PAK5: variants seen among roughly 807,000 people sequenced by gnomAD.
PAK5 encodes the protein serine/threonine-protein kinase PAK 5.
PAK5 carries 16 observed loss-of-function variants against 65.9 expected under a neutral mutation model. The observed-to-expected ratio is 0.24, with a 90% CI of 0.16 to 0.37. The LOEUF is 0.37. PAK5 is among the 10% of genes least tolerant of loss of function. The pLI is 1.00. For missense variants in PAK5, 785 were observed against 903.9 expected, an observed-to-expected ratio of 0.87 and a Z score of 1.69; for synonymous variants, 371 against 354.9, an observed-to-expected ratio of 1.05 and a Z score of -0.51.
At chr20:9,603,167 G>A (rs1036296576) in intron 3 of PAK5, among the ~76,000 whole-genome samples, 1 of 152,152 alleles carries the variant, frequency 6.6e-6, no homozygotes, top group Non-Finnish European at 1.5e-5. Context: ...ATGGCCAAAT[G>A]GCCTACAAGC....
At chr20:9,690,985 C>A (rs2047789100) in intron 2 of PAK5, among the ~76,000 whole-genome samples, 1 of 151,858 alleles carries the variant, frequency 6.6e-6, no homozygotes, top group Non-Finnish European at 1.5e-5. Context: ...GAACTCCTGA[C>A]CTCAGGTGAT....
chr20:9,715,427 A>G (rs528907917), intron 1 of PAK5, among the ~76,000 whole-genome samples: 2 of 152,240 alleles, frequency 1.3e-5, no homozygotes, highest in Admixed American at 6.5e-5. Context: ...GAGAAATAGG[A>G]ACACTTTTAC....
chr20:9,572,846 G>A (rs893565242), intron 4 of PAK5, among the ~76,000 whole-genome samples: 1 of 152,150 alleles, frequency 6.6e-6, no homozygotes, highest in Non-Finnish European at 1.5e-5. Context: ...TTTTGTGAAC[G>A]AGTAACTCCT....
chr20:9,729,817 C>T (rs2048316070), intron 1 of PAK5, among the ~76,000 whole-genome samples: 1 of 151,194 alleles, frequency 6.6e-6, no homozygotes, highest in African/African-American at 2.4e-5. Flanking sequence ...TGTACTCATG[C>T]CCAACATGGC....
intron 2 of PAK5, among the ~76,000 whole-genome samples, chr20:9,683,201 G>C (rs1308043130): frequency 1.3e-5 from 2 of 152,164 alleles, no homozygotes; most frequent in Non-Finnish European, 2.9e-5. Context: ...CTGCAATTTA[G>C]GTTCCTGCCT....
chr20:9,743,062 G>A (rs1002185597), intron 1 of PAK5, among the ~76,000 whole-genome samples: 2 of 152,160 alleles, frequency 1.3e-5, no homozygotes. Context: ...CCCTACCTGT[G>A]TGACTAATAA....
chr20:9,542,165 T>C (rs2045275513), intron 9 of PAK5, among the ~76,000 whole-genome samples: 1 of 152,222 alleles, frequency 6.6e-6, no homozygotes, highest in Admixed American at 6.5e-5. Flanking sequence ...TATTTATTTG[T>C]TTGTTTATGG....
chr20:9,622,285 C>G (rs1194360281), intron 3 of PAK5, among the ~76,000 whole-genome samples: 2 of 152,112 alleles, frequency 1.3e-5, no homozygotes, highest in African/African-American at 2.4e-5. Flanking sequence ...ATGGTACCCA[C>G]TAGACATATG....
intron 1 of PAK5, among the ~76,000 whole-genome samples, chr20:9,750,263 C>T (rs1409067281): frequency 6.6e-6 from 1 of 151,988 alleles, no homozygotes; most frequent in Non-Finnish European, 1.5e-5. Flanking sequence ...TAGTCTAATT[C>T]TATTTAACAC....
chr20:9,641,757 C>T (rs563202514), intron 3 of PAK5, among the ~76,000 whole-genome samples: 147 of 152,208 alleles, frequency 9.7e-4, no homozygotes, highest in African/African-American at 2.9e-3. Flanking sequence ...TAAGGCCCGG[C>T]GAGAAATCGA....
chr20:9,570,429 A>G (rs1177820106), intron 4 of PAK5, among the ~76,000 whole-genome samples: 1 of 152,194 alleles, frequency 6.6e-6, no homozygotes, highest in Admixed American at 6.5e-5. Context: ...TTCTTTTCAA[A>G]GCCTCTGTAT....
In PAK5 at chr20:9,538,607, G is replaced by A. The variant is rs1019390570; in HGVS notation, c.*855C>T. 2 of 233,160 alleles carry A rather than the reference G, an allele frequency of 8.6e-6. No homozygotes were observed. Among genetic ancestry groups the A allele is most frequent in the Admixed American group, 5.6e-5 (1 of 17,772 alleles). 14.4% of individuals were successfully genotyped at this position (233,160 alleles called of 1,614,324 possible). A position where few individuals can be genotyped will look rare whatever the true frequency, so the allele number is the denominator to read the frequency against. ...ACCCATTTGAGAAAGGGCACTGAGG[G>A]AAACATTGTGGTGTGCAAAAGAATG... On this transcript the variant is annotated 3_prime_UTR_variant, in exon 10 of 10. Coordinates refer to ENST00000353224, the MANE Select transcript of PAK5 (RefSeq NM_177990.4).
chr20:9,573,843 G>A (rs1415707082), intron 4 of PAK5, among the ~76,000 whole-genome samples: 1 of 152,128 alleles, frequency 6.6e-6, no homozygotes, highest in Non-Finnish European at 1.5e-5. Flanking sequence ...GGGAGTGGGC[G>A]GCAGCTGGTT....
intron 2 of PAK5, among the ~76,000 whole-genome samples, chr20:9,645,768 AG>A (rs1388669542): frequency 6.6e-6 from 1 of 152,080 alleles, no homozygotes; most frequent in African/African-American, 2.4e-5. Context: ...CTGTATTTTT[AG>A]TAGAGATGGG....
At chr20:9,736,921 A>G (rs1276041866) in intron 1 of PAK5, among the ~76,000 whole-genome samples, 1 of 152,192 alleles carries the variant, frequency 6.6e-6, no homozygotes, top group Non-Finnish European at 1.5e-5. Context: ...GTGGGGGAAA[A>G]TATATGAACA....
rs1284050259 is a variant in PAK5, at chr20:9,538,602, T to G, written c.*860A>C. The G allele has an allele frequency of 1.3e-5, 3 of 233,176 alleles. No individual in the cohort carries two copies. Among genetic ancestry groups the G allele is most frequent in the Non-Finnish European group, 2.5e-5 (3 of 117,868 alleles). 14.4% of individuals were successfully genotyped at this position (233,176 alleles called of 1,614,324 possible). A position where few individuals can be genotyped will look rare whatever the true frequency, so the allele number is the denominator to read the frequency against. On this transcript the variant is annotated 3_prime_UTR_variant, in exon 10 of 10. Transcript: ENST00000353224. ...ATTGTACCCATTTGAGAAAGGGCAC[T>G]GAGGGAAACATTGTGGTGTGCAAAA...
At chr20:9,612,620 T>G (rs1357373612) in intron 3 of PAK5, among the ~76,000 whole-genome samples, 1 of 151,996 alleles carries the variant, frequency 6.6e-6, no homozygotes, top group African/African-American at 2.4e-5. Flanking sequence ...GCTAAACCGT[T>G]CGTGAGAACT....
At chr20:9,757,738 C>T (rs1293728232) in intron 1 of PAK5, among the ~76,000 whole-genome samples, 1 of 152,156 alleles carries the variant, frequency 6.6e-6, no homozygotes, top group African/African-American at 2.4e-5. Flanking sequence ...CTTCCAAGAA[C>T]ATTTTTATGC....
At chr20:9,660,254 C>T (rs1383244548) in intron 2 of PAK5, among the ~76,000 whole-genome samples, 1 of 151,738 alleles carries the variant, frequency 6.6e-6, no homozygotes, top group African/African-American at 2.4e-5. Flanking sequence ...ACGTGGATTA[C>T]GCAGTAAACT....
Sources: gnomAD v4.1 joint callset for allele counts (sites outside exome capture counted in the v4.1 genomes callset) on GRCh38, gnomAD v4.1.1 for gene constraint, MANE v1.5 for transcripts, NCBI Gene and HGNC (gene_info 2026-07-23, HGNC 2026-07-21) for gene names.